Variants in KDR observed in about 807,000 individuals in gnomAD.
KDR encodes kinase insert domain receptor.
KDR carries 43 observed loss-of-function variants against 160.9 expected under a neutral mutation model. The ratio of observed to expected loss-of-function variants is 0.27; its 90% CI spans 0.21 to 0.34. The LOEUF is 0.34. KDR is among the 10% of genes least tolerant of loss of function. The probability of loss-of-function intolerance (pLI) is 1.00; values close to 1 mark genes in which losing one functional copy is unlikely to be tolerated. For missense variants in KDR, 1,469 were observed against 1,666.4 expected (o/e 0.88, Z 2.06); for synonymous variants, 617 against 600.1 (o/e 1.03, Z -0.41).
intron 27 of KDR, 27 bp downstream of exon 27, chr4:55,087,580 C>T (rs1358628644): frequency 6.2e-6 from 10 of 1,611,938 alleles, no homozygotes; most frequent in East Asian, 2.2e-5. Flanking sequence ...CACCCTCCCC[C>T]GGGGGATGTT....
chr4:55,090,435 C>T (rs1490325860), intron 22 of KDR, among the ~76,000 whole-genome samples: 8 of 152,066 alleles, frequency 5.3e-5, no homozygotes, highest in South Asian at 4.1e-4. Context: ...TAAGGAGGTC[C>T]GAGAACGGGA....
intron 27 of KDR, among the ~76,000 whole-genome samples, chr4:55,085,827 T>C (rs878867897): frequency 6.6e-6 from 1 of 152,174 alleles, no homozygotes; most frequent in Admixed American, 6.5e-5. Flanking sequence ...CTTCTGGGGA[T>C]AAACGTTAGC....
chr4:55,104,333 AT>A (rs1720383025), intron 13 of KDR, among the ~76,000 whole-genome samples: 1 of 152,174 alleles, frequency 6.6e-6, no homozygotes, highest in South Asian at 2.1e-4. Context: ...CATAGCAGGC[AT>A]TCCACAAATA....
rs748810441 is a variant in KDR at position 55,087,685 on chromosome 4, G to A, written c.3584C>T (p.Pro1195Leu). 1 of 1,613,940 alleles carries A rather than the reference G, an allele frequency of 6.2e-7. No homozygotes were observed. Among genetic ancestry groups the A allele is most frequent in the Non-Finnish European group, 8.5e-7 (1 of 1,179,762 alleles). Reference protein sequence around the residue: ...SMEEDSGLSLPTSPVSCMEEE... With the variant: ...SMEEDSGLSLLTSPVSCMEEE... ...CTCCATACAGGAAACAGGTGAGGTAGGCAGAGAGAGTCCAGAATCCTCTTC... is the reference window on the plus strand; with the variant it reads ...CTCCATACAGGAAACAGGTGAGGTAAGCAGAGAGAGTCCAGAATCCTCTTC... Residue 1195 changes from proline (P) to leucine (L), a missense_variant, in exon 27 of 30, where the codon CCT becomes CTT. By Grantham distance (98) the Pro-to-Leu change is moderately conservative. Coordinates refer to ENST00000263923, the MANE Select transcript of KDR (RefSeq NM_002253.4).
At position 55,125,400 on chromosome 4, in the gene KDR, G is replaced by T; in HGVS notation, c.-107C>A. 7.2e-7 allele frequency: 1 copy of T among 1,385,706 alleles called. No homozygotes were observed. The highest frequency in any genetic ancestry group is 9.9e-7 in the Non-Finnish European group (1 of 1,008,538). 85.8% of individuals were successfully genotyped at this position (1,385,706 alleles called of 1,614,324 possible). On this transcript the variant is annotated 5_prime_UTR_variant, in exon 1 of 30. It adds an upstream start codon to the 5' untranslated region. Coordinates refer to ENST00000263923, the MANE Select transcript of KDR (RefSeq NM_002253.4). ...GAGGTGGAACTCGCGGCACCCCGCAGCGCAGGACAGTTGAGCGCACAGGGC... is the reference window on the plus strand; with the variant it reads ...GAGGTGGAACTCGCGGCACCCCGCATCGCAGGACAGTTGAGCGCACAGGGC...
At chr4:55,114,703 C>T (rs992475280) in intron 5 of KDR, among the ~76,000 whole-genome samples, 171 bp downstream of exon 5, 4 of 152,266 alleles carry the variant, frequency 2.6e-5, no homozygotes, top group African/African-American at 9.6e-5. Flanking sequence ...AGAAAAGAGA[C>T]AACCTCAATT....
intron 18 of KDR, chr4:55,096,769 C>A: frequency 3.7e-6 from 1 of 271,162 alleles, no homozygotes; most frequent in South Asian, 4.3e-5. Flanking sequence ...ACCGAATGTT[C>A]CAGCCAATCT....
rs761653711 is a variant in KDR, at chr4:55,125,328, C to T, written c.-35G>A. The T allele has an allele frequency of 5.7e-6, 9 of 1,591,764 alleles. No homozygotes were observed. In the South Asian group the frequency reaches 5.7e-5, roughly 10 times the overall value. On this transcript the variant is annotated 5_prime_UTR_variant, in exon 1 of 30. Transcript: ENST00000263923. ...CGAGCCGGGCGAAATGCCCAGAACT[C>T]GGGAGCCGGTTCTTTCTCCCAGCGC...
chr4:55,124,928 C>T (rs916298456), intron 1 of KDR, among the ~76,000 whole-genome samples: 3 of 152,174 alleles, frequency 2.0e-5, no homozygotes, highest in African/African-American at 7.2e-5. Flanking sequence ...CCTTCCCACC[C>T]CAGCCTCCCA....
intron 9 of KDR, among the ~76,000 whole-genome samples, chr4:55,108,323 T>C (rs569322544): frequency 3.9e-5 from 6 of 152,338 alleles, no homozygotes; most frequent in Non-Finnish European, 5.9e-5. Context: ...CTCATCTGTA[T>C]TACAGAGATA....
intron 10 of KDR, 114 bp downstream of exon 10, chr4:55,107,623 T>C: frequency 7.7e-7 from 1 of 1,301,366 alleles, no homozygotes; most frequent in Non-Finnish European, 1.1e-6. Context: ...GGCTACCTCT[T>C]GAGAGAAAAC....
In KDR at chr4:55,080,999, T is replaced by G. The variant is rs76847046; in HGVS notation, c.3849-836A>C. On this transcript the variant is annotated intron_variant, in intron 29 of 29. Transcript: ENST00000263923. The stretch of plus-strand genomic sequence containing the variant: ...ATAATGAGAAATACAATTTTTTCTT[T>G]CAATTCAACCCCAACAAAACTAATG... 3.3e-4 allele frequency among the ~76,000 whole-genome samples: 50 copies of G among 152,366 alleles called. 1 individual carries two copies. The highest frequency in any genetic ancestry group is 6.5e-4 in the Non-Finnish European group (44 of 68,044).
At chr4:55,090,222 T>A (rs1187571062) in intron 22 of KDR, 144 bp from the exon 23 acceptor site, 1 of 901,690 alleles carries the variant, frequency 1.1e-6, no homozygotes, top group Non-Finnish European at 1.7e-6. Flanking sequence ...TATCAACACT[T>A]CAGGAAAAAA....
chr4:55,095,191 C>A (rs1468283733), intron 20 of KDR, among the ~76,000 whole-genome samples: 1 of 152,118 alleles, frequency 6.6e-6, no homozygotes, highest in Non-Finnish European at 1.5e-5. Flanking sequence ...GTGACAAATG[C>A]CACATTTTGA....
At chr4:55,102,879 GC>G (rs1449325110) in intron 13 of KDR, among the ~76,000 whole-genome samples, 2 of 152,094 alleles carry the variant, frequency 1.3e-5, no homozygotes, top group African/African-American at 4.8e-5. Context: ...TCTTGGAAGT[GC>G]CAAATTTTAG....
At chr4:55,114,787 A>G in intron 5 of KDR, 87 bp downstream of exon 5, 1 of 1,219,294 alleles carries the variant, frequency 8.2e-7, no homozygotes, top group Non-Finnish European at 1.2e-6. Context: ...ATACTTTTCA[A>G]TATCCTTCTT....
chr4:55,085,406 A>C lies in KDR; in HGVS notation c.3662+2201T>G, dbSNP rs569686822. On this transcript the variant is annotated intron_variant, in intron 27 of 29. Coordinates refer to ENST00000263923, the MANE Select transcript of KDR (RefSeq NM_002253.4). ...CTCTGTCCAACTCTATTTATAATGCAATAGAATTGAAAATTAGAAGGAGAA... is the reference window on the plus strand; with the variant it reads ...CTCTGTCCAACTCTATTTATAATGCCATAGAATTGAAAATTAGAAGGAGAA... Among the ~76,000 whole-genome samples, 4 of 152,224 alleles carry C rather than the reference A, an allele frequency of 2.6e-5. No homozygotes were observed. The South Asian group carries it at 8.3e-4, about 31-fold the overall frequency.
At chr4:55,094,750 T>C in intron 21 of KDR, 52 bp downstream of exon 21, 1 of 1,541,954 alleles carries the variant, frequency 6.5e-7, no homozygotes, top group African/African-American at 1.4e-5. Flanking sequence ...CCTATCACCC[T>C]GTCTGCTCTG....
Position 55,115,277 on chromosome 4 carries a change from T to C in KDR, c.489+4A>G, listed in dbSNP as rs1476301918. The C allele has an allele frequency of 6.2e-7, 1 of 1,609,472 alleles. No individual in the cohort carries two copies. The highest frequency in any genetic ancestry group is 1.1e-5 in the South Asian group (1 of 90,978). ...AAGAGACGATTGGAGGAGATGCAAC[T>C]TACTGCACAAAGTGACACGTTGAGA... On this transcript the variant is annotated splice_donor_region_variant and intron_variant, in intron 4 of 29. Transcript: ENST00000263923.
Sources: gnomAD v4.1 joint callset for allele counts (sites outside exome capture counted in the v4.1 genomes callset) on GRCh38, gnomAD v4.1.1 for gene constraint, MANE v1.5 for transcripts, NCBI Gene and HGNC (gene_info 2026-07-23, HGNC 2026-07-21) for gene names.